Variants in MPHOSPH9 observed in about 807,000 individuals in gnomAD.
The protein encoded by MPHOSPH9 is M-phase phosphoprotein 9.
In MPHOSPH9, 88 loss-of-function variants were observed where a neutral mutation model predicts 145.5. The ratio of observed to expected loss-of-function variants is 0.60; its 90% confidence interval spans 0.51 to 0.72. The LOEUF is 0.72. MPHOSPH9 is among the 30% of genes least tolerant of loss of function. MPHOSPH9 has a pLI of 0.00. For missense variants in MPHOSPH9, 1,238 were observed against 1,386.6 expected (o/e 0.89, Z 1.70); for synonymous variants, 435 against 486.2 (o/e 0.89, Z 1.39).
chr12:123,218,816 C>G (rs1052660532), intron 5 of MPHOSPH9, among the ~76,000 whole-genome samples: 37 of 152,068 alleles, frequency 2.4e-4, no homozygotes, highest in African/African-American at 8.9e-4. Context: ...ACACTGGGTT[C>G]CAAAATTATT....
At position 123,202,706 on chromosome 12, in the gene MPHOSPH9, G is replaced by C; in HGVS notation, c.1699C>G (p.Gln567Glu). 2 of 1,614,200 alleles carry C rather than the reference G, an allele frequency of 1.2e-6. No homozygotes were observed. Among genetic ancestry groups the C allele is most frequent in the South Asian group, 2.2e-5 (2 of 91,080 alleles). ...TTGGCTGTACCTGGAAGCTGGGACT[G>C]ACTGACTGAGGCCGAAGCAACCATG... ...TVMVASASVSQSQLPGTANSV... is the reference protein window; with the variant it reads ...TVMVASASVSESQLPGTANSV... Residue 567 changes from glutamine to glutamate, a missense_variant, in exon 10 of 24, where the codon CAG becomes GAG. Gln to Glu is a conservative substitution (Grantham distance 29). Around this residue, in one of 3 missense-constraint regions of MPHOSPH9, gnomAD observed 837 missense variants for 897.5 expected, o/e 0.93. Transcript: ENST00000606320.
intron 8 of MPHOSPH9, among the ~76,000 whole-genome samples, chr12:123,208,188 CA>C (rs35626958): frequency 0.68 from 57,651 of 85,312 alleles, 17,128 homozygotes; most frequent in East Asian, 0.92. Context: ...GACTCCGTCT[CA>C]AAAAAAAAAA....
In MPHOSPH9 at chr12:123,160,868, A is replaced by G; in HGVS notation, c.3382-19T>C. On this transcript the variant is annotated intron_variant, in intron 22 of 23. Transcript: ENST00000606320. Reference sequence around the variant, plus strand: ...CCTCAATCTGTTAACACACGAAAAAAATATGTTTAAATTACTGGCAGGGAG... The same window carrying G: ...CCTCAATCTGTTAACACACGAAAAAGATATGTTTAAATTACTGGCAGGGAG... The G allele has an allele frequency of 6.2e-7, 1 of 1,610,800 alleles. No homozygotes were observed.
At chr12:123,170,244 A>T (rs1459600879) in intron 16 of MPHOSPH9, among the ~76,000 whole-genome samples, 1 of 151,502 alleles carries the variant, frequency 6.6e-6, no homozygotes, top group African/African-American at 2.4e-5. Flanking sequence ...TCAGGTTCAA[A>T]CCATTCTCCT....
intron 23 of MPHOSPH9, 24 bp from the exon 24 acceptor site, chr12:123,156,932 T>C: frequency 6.4e-7 from 1 of 1,568,390 alleles, no homozygotes; most frequent in Non-Finnish European, 8.7e-7. Context: ...ATGGGAAAAG[T>C]TTAATTAGAA....
chr12:123,236,125 T>G (rs537284223), upstream of MPHOSPH9, among the ~76,000 whole-genome samples: 5 of 152,056 alleles, frequency 3.3e-5, no homozygotes, highest in Non-Finnish European at 7.4e-5. Context: ...TAACATTGCC[T>G]AAGAAACTGG....
chr12:123,202,103 C>G (rs1464726438), intron 11 of MPHOSPH9, 61 bp downstream of exon 11: 19 of 1,449,158 alleles, frequency 1.3e-5, no homozygotes, highest in Admixed American at 9.3e-5. Flanking sequence ...TCACATTATA[C>G]TTCTGTGAAA....
rs1052538830 is a variant in MPHOSPH9, at chr12:123,155,366, G to C, written c.*1441C>G. ...ACAGGCCACCCTCCTTGCTGAGAAG[G>C]GAGCAGGGCTGTGGACCCCTGGCCT... On this transcript the variant is annotated 3_prime_UTR_variant, in exon 24 of 24. Coordinates refer to ENST00000606320, the MANE Select transcript of MPHOSPH9 (RefSeq NM_022782.4). 1.3e-5 allele frequency: 2 copies of C among 152,214 alleles called. No individual in the cohort carries two copies. Among genetic ancestry groups the C allele is most frequent in the African/African-American group, 4.8e-5 (2 of 41,434 alleles). 9.4% of individuals were successfully genotyped at this position (152,214 alleles called of 1,614,324 possible). A position where few individuals can be genotyped will look rare whatever the true frequency, so the allele number is the denominator to read the frequency against.
At chr12:123,172,134 C>T (rs1395368664) in intron 16 of MPHOSPH9, among the ~76,000 whole-genome samples, 1 of 152,152 alleles carries the variant, frequency 6.6e-6, no homozygotes, top group African/African-American at 2.4e-5. Flanking sequence ...TCCACGTTGA[C>T]CGTCTAGCTG....
At chr12:123,194,949 G>T (rs2045879845) in intron 12 of MPHOSPH9, among the ~76,000 whole-genome samples, 1 of 151,986 alleles carries the variant, frequency 6.6e-6, no homozygotes, top group Non-Finnish European at 1.5e-5. Context: ...GAAAAAAAAA[G>T]ATGCCTTAAT....
upstream of MPHOSPH9, among the ~76,000 whole-genome samples, chr12:123,236,646 A>G (rs117297820): frequency 1.7e-3 from 260 of 152,192 alleles, 11 homozygotes; most frequent in East Asian, 0.047. Flanking sequence ...TTTAAGTCCT[A>G]AACAAACACA....
At chr12:123,191,484 G>A (rs888176969) in intron 13 of MPHOSPH9, among the ~76,000 whole-genome samples, 2 of 152,128 alleles carry the variant, frequency 1.3e-5, no homozygotes, top group Admixed American at 6.6e-5. Flanking sequence ...TAGAGGCAAG[G>A]GTTTTACCGT....
chr12:123,208,337 G>C (rs2046539725), intron 8 of MPHOSPH9, among the ~76,000 whole-genome samples: 1 of 151,530 alleles, frequency 6.6e-6, no homozygotes, highest in East Asian at 1.9e-4. Flanking sequence ...AAGAGATCGA[G>C]ACCATCCTGA....
At chr12:123,178,626 C>T (rs1050301081) in intron 15 of MPHOSPH9, among the ~76,000 whole-genome samples, 45 of 152,074 alleles carry the variant, frequency 3.0e-4, no homozygotes, top group Non-Finnish European at 2.9e-5. Context: ...AGAGTTCAAG[C>T]GATTCTCCTG....
chr12:123,196,388 T>C (rs79033960), intron 12 of MPHOSPH9, among the ~76,000 whole-genome samples: 7,204 of 152,172 alleles, frequency 0.047, 317 homozygotes, highest in East Asian at 0.27. Context: ...ACCAAAATTT[T>C]GTTCATAAGG....
chr12:123,229,969 G>A (rs1229541379), intron 2 of MPHOSPH9: 3 of 176,090 alleles, frequency 1.7e-5, no homozygotes, highest in South Asian at 1.1e-4. Context: ...CTACAGGCGC[G>A]TGCCACCACA....
chr12:123,213,703 C>T (rs1263729936), intron 7 of MPHOSPH9, among the ~76,000 whole-genome samples: 6 of 152,062 alleles, frequency 3.9e-5, no homozygotes, highest in Non-Finnish European at 7.3e-5. Context: ...CATTGTAATT[C>T]GAGGAACAAT....
intron 7 of MPHOSPH9, among the ~76,000 whole-genome samples, chr12:123,210,726 A>T (rs1040968521): frequency 4.6e-5 from 7 of 151,034 alleles, no homozygotes; most frequent in Admixed American, 6.6e-5. Context: ...AATAAAATAA[A>T]TTTTTTTATT....
Position 123,223,125 on chromosome 12 carries a change from G to C in MPHOSPH9, c.261C>G (p.Thr87=). 1 of 1,390,612 alleles carries C rather than the reference G, an allele frequency of 7.2e-7. No homozygotes were observed. Among genetic ancestry groups the C allele is most frequent in the Non-Finnish European group, 9.3e-7 (1 of 1,076,580 alleles). 86.1% of individuals were successfully genotyped at this position (1,390,612 alleles called of 1,614,324 possible). The change falls in exon 4 of 24, where the codon ACC becomes ACG. Residue 87 remains threonine, a splice_region_variant and synonymous_variant. Transcript: ENST00000606320. Reference sequence around the variant, plus strand: ...CCAAATTGAATAGCTGTAACCACCTGGTCTATTAAATTATAAAATATTTTA... The same window carrying C: ...CCAAATTGAATAGCTGTAACCACCTCGTCTATTAAATTATAAAATATTTTA... ...TDSELWKNCE[T]RWLQLFNLVE... is the part of the protein sequence containing the mutation.
Sources: allele counts gnomAD v4.1 joint callset (sites outside exome capture counted in the v4.1 genomes callset), GRCh38; gene constraint gnomAD v4.1.1; regional missense constraint gnomAD v4.1.1; transcripts MANE v1.5; gene names NCBI Gene and HGNC (gene_info 2026-07-23, HGNC 2026-07-21).